Variants in NRXN3 observed in about 807,000 individuals in gnomAD.
NRXN3 encodes neurexin 3, also known as neurexin III.
NRXN3 carries 32 observed loss-of-function variants against 137.6 expected under a neutral mutation model. The observed-to-expected ratio is 0.23, with a 90% CI of 0.18 to 0.31. The LOEUF is 0.31. Among genes scored for constraint, NRXN3 ranks in the 10% least tolerant of loss-of-function variants. The pLI, the probability that NRXN3 is intolerant of heterozygous loss-of-function variation, is 1.00. For synonymous variants in NRXN3, 798 were observed against 784.5 expected, an observed-to-expected ratio of 1.02 and a Z score of -0.29; for missense variants, 1,574 against 2,062.5, an observed-to-expected ratio of 0.76 and a Z score of 4.59.
intron 10 of NRXN3, among the ~76,000 whole-genome samples, chr14:78,899,792 A>C (rs1210182696): frequency 2.6e-5 from 4 of 152,010 alleles, no homozygotes; most frequent in African/African-American, 9.7e-5. Flanking sequence ...TACTTCTTGA[A>C]GTTTATATTT....
chr14:78,845,905 GGT>G (rs3034390), intron 10 of NRXN3, among the ~76,000 whole-genome samples: 13,761 of 145,714 alleles, frequency 0.094, 745 homozygotes, highest in African/African-American at 0.14. Flanking sequence ...AGTATGTTGG[GGT>G]GTGTGTGTGT....
Position 79,697,949 on chromosome 14 carries a change from T to C in NRXN3, c.4014+12T>C. The C allele has an allele frequency of 6.2e-7, 1 of 1,604,108 alleles. No homozygotes were observed. The highest frequency in any genetic ancestry group is 8.5e-7 in the Non-Finnish European group (1 of 1,172,220). ...CAGCCAGCATTCAGGTAGGCCTTTT[T>C]CCAAGTATTAATTGCGTCTGTATTT... On this transcript the variant is annotated intron_variant, in intron 19 of 20. Coordinates refer to ENST00000335750, the MANE Select transcript of NRXN3 (RefSeq NM_001330195.2).
At chr14:78,340,711 C>T (rs1245090087) in intron 4 of NRXN3, among the ~76,000 whole-genome samples, 1 of 152,098 alleles carries the variant, frequency 6.6e-6, no homozygotes. Flanking sequence ...AATTGTTAGG[C>T]TTCTTCAGGG....
intron 3 of NRXN3, among the ~76,000 whole-genome samples, chr14:78,286,232 G>T (rs2075163060): frequency 6.6e-6 from 1 of 152,236 alleles, no homozygotes; most frequent in Non-Finnish European, 1.5e-5. Context: ...TTGCTCCAGT[G>T]TTGAGGGCAG....
intron 17 of NRXN3, among the ~76,000 whole-genome samples, chr14:79,681,837 CT>C (rs2098672106): frequency 6.6e-6 from 1 of 151,992 alleles, no homozygotes; most frequent in South Asian, 2.1e-4. Flanking sequence ...CCTTCCAACC[CT>C]GATTCAGGTC....
chr14:79,716,266 T>C (rs1488009490), intron 19 of NRXN3, among the ~76,000 whole-genome samples: 1 of 152,194 alleles, frequency 6.6e-6, no homozygotes, highest in Non-Finnish European at 1.5e-5. Context: ...CAAGGTTCCA[T>C]GGAATGTGTT....
intron 4 of NRXN3, among the ~76,000 whole-genome samples, chr14:78,551,690 T>C: frequency 7.0e-6 from 1 of 142,518 alleles, no homozygotes; most frequent in Non-Finnish European, 1.5e-5. Flanking sequence ...CTCCCCTTTC[T>C]CCTTTTCCCA....
At chr14:79,017,861 C>A (rs937396116) in intron 15 of NRXN3, among the ~76,000 whole-genome samples, 4 of 151,978 alleles carry the variant, frequency 2.6e-5, no homozygotes, top group African/African-American at 9.7e-5. Flanking sequence ...CAAATCTGTG[C>A]ATGTTTTTCT....
intron 4 of NRXN3, among the ~76,000 whole-genome samples, chr14:78,355,078 G>A (rs986442815): frequency 2.1e-4 from 32 of 152,164 alleles, no homozygotes; most frequent in African/African-American, 7.5e-4. Context: ...TATCCATTAA[G>A]CCAACATTAT....
chr14:78,784,828 C>T (rs2098783618), intron 8 of NRXN3, among the ~76,000 whole-genome samples: 2 of 152,060 alleles, frequency 1.3e-5, no homozygotes, highest in South Asian at 4.1e-4. Context: ...CTTGCGTGTT[C>T]TCAGAAGATA....
chr14:79,139,747 T>G lies in NRXN3; in HGVS notation c.3262+151606T>G, dbSNP rs1216066960. Among the ~76,000 whole-genome samples, 5 of 152,006 alleles carry G rather than the reference T, an allele frequency of 3.3e-5. 1 individual carries two copies. On this transcript the variant is annotated intron_variant, in intron 15 of 20. Transcript: ENST00000335750. Reference sequence around the variant, plus strand: ...GCATACCAAATGTCCTGAGACTTTTTAGACATAAATCTGACTCACCTTCAA... The same window carrying G: ...GCATACCAAATGTCCTGAGACTTTTGAGACATAAATCTGACTCACCTTCAA...
At chr14:78,508,172 C>G (rs529587034) in intron 4 of NRXN3, among the ~76,000 whole-genome samples, 2 of 152,138 alleles carry the variant, frequency 1.3e-5, no homozygotes, top group Non-Finnish European at 2.9e-5. Flanking sequence ...AGAGAGAAAC[C>G]AGAAGGGTGT....
chr14:79,365,725 C>CAAAAAA lies in NRXN3; in HGVS notation c.3263-101482_3263-101477dup, dbSNP rs569855024. Among the ~76,000 whole-genome samples the CAAAAAA allele has an allele frequency of 2.6e-3, 110 of 42,260 alleles. 2 individuals are homozygous for CAAAAAA. The highest frequency in any genetic ancestry group is 4.4e-3 in the African/African-American group (45 of 10,240). The allele number at this position is 42,260 out of a possible 152,430, so 27.7% of individuals were successfully genotyped here. A position where few individuals can be genotyped will look rare whatever the true frequency, so the allele number is the denominator to read the frequency against. ...TGGGCGACAGAGCGAGACTCTGTCT[C>CAAAAAA]AAAAAAAAAAAAAAAAAAAGAAAAA... On this transcript the variant is annotated intron_variant, in intron 15 of 20. Coordinates refer to ENST00000335750, the MANE Select transcript of NRXN3 (RefSeq NM_001330195.2).
chr14:78,784,897 G>A (rs781517069), intron 8 of NRXN3, among the ~76,000 whole-genome samples: 4 of 152,072 alleles, frequency 2.6e-5, no homozygotes, highest in Non-Finnish European at 4.4e-5. Flanking sequence ...GGCAGGGCAC[G>A]TTCCAGGAGC....
At chr14:78,416,543 G>A (rs1439526136) in intron 4 of NRXN3, among the ~76,000 whole-genome samples, 1 of 152,220 alleles carries the variant, frequency 6.6e-6, no homozygotes, top group Non-Finnish European at 1.5e-5. Context: ...TTTATCCTAT[G>A]TATTGTAATC....
intron 15 of NRXN3, among the ~76,000 whole-genome samples, chr14:79,196,844 A>G (rs1325956769): frequency 1.3e-5 from 2 of 152,220 alleles, no homozygotes; most frequent in African/African-American, 4.8e-5. Context: ...CATAACAAAC[A>G]ACCACAATAT....
chr14:78,908,468 A>C (rs2099225797), intron 10 of NRXN3, among the ~76,000 whole-genome samples: 2 of 152,078 alleles, frequency 1.3e-5, no homozygotes, highest in African/African-American at 4.8e-5. Flanking sequence ...TCCTCCCACC[A>C]GTCTTTTTCA....
At chr14:79,221,342 A>G (rs1282746501) in intron 15 of NRXN3, among the ~76,000 whole-genome samples, 1 of 152,138 alleles carries the variant, frequency 6.6e-6, no homozygotes, top group East Asian at 1.9e-4. Context: ...GTTTTCAACA[A>G]TGGTTGAACA....
chr14:79,511,276 C>T (rs895433182), intron 16 of NRXN3, among the ~76,000 whole-genome samples: 2 of 152,144 alleles, frequency 1.3e-5, no homozygotes, highest in African/African-American at 4.8e-5. Flanking sequence ...CTAAGGAAAG[C>T]ACTATAGGAA....
Sources: gnomAD v4.1 joint callset for allele counts (sites outside exome capture counted in the v4.1 genomes callset) on GRCh38, gnomAD v4.1.1 for gene constraint, MANE v1.5 for transcripts, NCBI Gene and HGNC (gene_info 2026-07-23, HGNC 2026-07-21) for gene names.